The following ODF2 variants were observed in gnomAD, a reference collection of about 807,000 sequenced individuals.
ODF2 encodes outer dense fiber of sperm tails 2.
ODF2 carries 47 observed loss-of-function variants against 110.2 expected under a neutral mutation model. The ratio of observed to expected loss-of-function variants is 0.43; its 90% confidence interval spans 0.34 to 0.54. ODF2 has a LOEUF of 0.54. ODF2 is among the 20% of genes least tolerant of loss of function. The pLI, the probability that ODF2 is intolerant of heterozygous loss-of-function variation, is 0.03. For synonymous variants in ODF2, 352 were observed against 397.7 expected, an observed-to-expected ratio of 0.89 and a Z score of 1.37; for missense variants, 812 against 1,054.5, an observed-to-expected ratio of 0.77 and a Z score of 3.19.
chr9:128,487,803 AAACACACAC>A, intron 13 of ODF2, 78 bp from the exon 14 acceptor site: 1 of 983,066 alleles, frequency 1.0e-6, no homozygotes, highest in African/African-American at 3.1e-5. Context: ...CAAACAAACA[AAACACACAC>A]ACACACACAC....
rs1256854772 is a variant in ODF2, at chr9:128,494,492, C to A, written c.1753-18C>A. ...CTGTGGGTCTTTCCTTCCTGTGGGT[C>A]TTTCCTTCCTGTTTCAGGCACGAAG... On this transcript the variant is annotated intron_variant, in intron 16 of 20. Coordinates refer to ENST00000604420, the Ensembl canonical transcript of ODF2. The surrounding 1 kb of genome is among the most constrained non-coding windows in gnomAD (Gnocchi z 4.6). 1.2e-6 allele frequency: 2 copies of A among 1,610,716 alleles called. No individual in the cohort carries two copies. Among genetic ancestry groups the A allele is most frequent in the East Asian group, 2.2e-5 (1 of 44,880 alleles).
intron 20 of ODF2, among the ~76,000 whole-genome samples, chr9:128,499,466 T>C (rs570665539): frequency 6.6e-6 from 1 of 152,144 alleles, no homozygotes; most frequent in African/African-American, 2.4e-5. Context: ...CTTTTTTGTG[T>C]GTATTTTTAG....
At chr9:128,456,031 G>A, upstream of ODF2, 1 of 1,455,298 alleles carries the variant, frequency 6.9e-7, no homozygotes, top group Non-Finnish European at 9.1e-7. Flanking sequence ...TCTCTGTGAC[G>A]CTAGGGGCTG....
exon 21 of ODF2, chr9:128,500,182 A>C: frequency 6.2e-7 from 1 of 1,614,198 alleles, no homozygotes; most frequent in Admixed American, 1.7e-5. Flanking sequence ...TCATACGCCA[A>C]CGTGTTTGGG....
At chr9:128,467,640 G>A (rs779900653) in intron 4 of ODF2, among the ~76,000 whole-genome samples, 1 of 151,158 alleles carries the variant, frequency 6.6e-6, no homozygotes, top group Non-Finnish European at 1.5e-5. Context: ...AGCTAGTCGG[G>A]AGGCTGAGGC....
At chr9:128,487,353 G>C (rs2132100757) in intron 13 of ODF2, among the ~76,000 whole-genome samples, 1 of 152,354 alleles carries the variant, frequency 6.6e-6, no homozygotes, top group Non-Finnish European at 1.5e-5. Context: ...AGGTGGGACA[G>C]GCATGGGAGT....
At position 128,488,031 on chromosome 9, in the gene ODF2, C is replaced by T. The variant is rs779316759; in HGVS notation, c.1536+6C>T. ...TGGAGAATGAGAGGCTGAAGGTTCG[C>T]AGTGAGAGCTGGGGACCAGGCAGCT... is the stretch of plus-strand genomic sequence containing the variant. On this transcript the variant is annotated splice_donor_region_variant and intron_variant, in intron 14 of 20. Coordinates refer to ENST00000604420, the Ensembl canonical transcript of ODF2. 8.7e-6 allele frequency: 14 copies of T among 1,613,400 alleles called. No individual in the cohort carries two copies. Among genetic ancestry groups the T allele is most frequent in the Non-Finnish European group, 1.2e-5 (14 of 1,179,800 alleles).
At chr9:128,469,062 G>T in intron 4 of ODF2, 121 bp from the exon 5 acceptor site, 1 of 826,760 alleles carries the variant, frequency 1.2e-6, no homozygotes, top group East Asian at 2.5e-5. Flanking sequence ...GTTCTTCCTG[G>T]GGTCCCCGAG....
At chr9:128,481,822 T>C (rs1842456155) in intron 9 of ODF2, among the ~76,000 whole-genome samples, 171 bp downstream of exon 9, 2 of 151,640 alleles carry the variant, frequency 1.3e-5, no homozygotes, top group Admixed American at 1.3e-4. Flanking sequence ...CTTGTTCTGA[T>C]AGGCTTGTCT....
chr9:128,466,162 A>G (rs958107037), intron 4 of ODF2, among the ~76,000 whole-genome samples: 6 of 150,988 alleles, frequency 4.0e-5, no homozygotes, highest in Non-Finnish European at 7.4e-5. Context: ...AAAAAACGGA[A>G]AAGAAAAACG....
In ODF2 at chr9:128,494,521, G is replaced by C; in HGVS notation, c.1764G>C (p.Gln588His). ...CCTTCCTGTTTCAGGCACGAAGGCAGTTCCAGTCTCAGCTGGCTGACCTGC... is the reference window on the plus strand; with the variant it reads ...CCTTCCTGTTTCAGGCACGAAGGCACTTCCAGTCTCAGCTGGCTGACCTGC... Residue 588 changes from glutamine to histidine, a missense_variant, in exon 17 of 21, where the codon CAG becomes CAC. This residue lies in a region of ODF2 where 165 missense variants were observed against 293.4 expected (regional missense o/e 0.56). Transcript: ENST00000604420. The surrounding 1 kb of genome is among the most constrained non-coding windows in gnomAD (Gnocchi z 4.6). 1 of 1,614,186 alleles carries C rather than the reference G, an allele frequency of 6.2e-7. No homozygotes were observed. The highest frequency in any genetic ancestry group is 8.5e-7 in the Non-Finnish European group (1 of 1,180,016).
exon 20 of ODF2, chr9:128,499,027 C>T (rs2132346954): frequency 1.2e-6 from 2 of 1,614,054 alleles, no homozygotes; most frequent in East Asian, 4.5e-5. Context: ...AGCACGCACT[C>T]TCCAAGGAGC....
intron 2 of ODF2, among the ~76,000 whole-genome samples, chr9:128,458,791 G>A (rs926441444): frequency 2.6e-5 from 4 of 152,096 alleles, no homozygotes; most frequent in Admixed American, 6.6e-5. Context: ...ATGAGTGTGC[G>A]TCACAGTGAC....
intron 18 of ODF2, chr9:128,497,412 C>G (rs1166188243): frequency 1.0e-5 from 1 of 96,960 alleles, no homozygotes; most frequent in African/African-American, 4.2e-5. Context: ...ACGGTGAAAT[C>G]CCGTCTCTAC....
chr9:128,489,825 A>C (rs1028243776), intron 14 of ODF2, among the ~76,000 whole-genome samples: 5 of 152,182 alleles, frequency 3.3e-5, no homozygotes, highest in Non-Finnish European at 5.9e-5. Context: ...TGAGTAGTAA[A>C]GTAGTTACTG....
At chr9:128,460,604 G>C (rs765496468) in intron 3 of ODF2, 1 of 1,614,028 alleles carries the variant, frequency 6.2e-7, no homozygotes, top group Non-Finnish European at 8.5e-7. Flanking sequence ...TCACGTGGAT[G>C]AGAACACCCC....
chr9:128,488,121 G>A, intron 14 of ODF2, 96 bp downstream of exon 14: 1 of 1,416,786 alleles, frequency 7.1e-7, no homozygotes, highest in Admixed American at 1.9e-5. Context: ...TCTTGACTAA[G>A]AGGGAGTCAG....
chr9:128,481,610 G>A, exon 9 of ODF2: 1 of 1,614,038 alleles, frequency 6.2e-7, no homozygotes, highest in Non-Finnish European at 8.5e-7. Context: ...GCAACAAGGA[G>A]CACTGCTGAA....
At chr9:128,459,910 T>TAAAGGA (rs1251700439) in intron 3 of ODF2, among the ~76,000 whole-genome samples, 2 of 151,468 alleles carry the variant, frequency 1.3e-5, no homozygotes, top group African/African-American at 4.9e-5. Flanking sequence ...ATTTTTAAAA[T>TAAAGGA]AAAGGAAAAG....
Sources: allele counts gnomAD v4.1 joint callset (sites outside exome capture counted in the v4.1 genomes callset), GRCh38; gene constraint gnomAD v4.1.1; regional missense constraint gnomAD v4.1.1; non-coding constraint Gnocchi (gnomAD v3.1); transcripts MANE v1.5; gene names NCBI Gene and HGNC (gene_info 2026-07-23, HGNC 2026-07-21).